NT5DC1: variants seen among roughly 807,000 people sequenced by gnomAD.
NT5DC1 encodes the protein 5'-nucleotidase domain containing 1, also known as 5'-nucleotidase domain-containing protein 1.
NT5DC1 carries 42 observed loss-of-function variants against 59.4 expected under a neutral mutation model. That is an observed-to-expected ratio of 0.71 (90% CI 0.55 to 0.92). The LOEUF (loss-of-function observed/expected upper bound fraction) is 0.92, where lower values mean the gene tolerates loss of function less well. Ranked by LOEUF, NT5DC1 falls within the 40% of genes least tolerant of loss-of-function variation. The pLI is 0.00. For missense variants in NT5DC1, 501 were observed against 537.1 expected, an observed-to-expected ratio of 0.93 and a Z score of 0.66; for synonymous variants, 172 against 188.1, an observed-to-expected ratio of 0.91 and a Z score of 0.70.
At chr6:116,210,901 G>A (rs1781563613) in intron 6 of NT5DC1, among the ~76,000 whole-genome samples, 1 of 151,936 alleles carries the variant, frequency 6.6e-6, no homozygotes, top group Admixed American at 6.6e-5. Flanking sequence ...TAGTATGTTT[G>A]GCAGCTAGTC....
chr6:116,142,703 A>G (rs1196474602), intron 6 of NT5DC1, among the ~76,000 whole-genome samples: 1 of 152,210 alleles, frequency 6.6e-6, no homozygotes, highest in Non-Finnish European at 1.5e-5. Context: ...AGTGAAATAT[A>G]TTAATAGTGT....
chr6:116,163,126 C>CAAA (rs71272373), intron 6 of NT5DC1, among the ~76,000 whole-genome samples: 37 of 84,308 alleles, frequency 4.4e-4, no homozygotes, highest in African/African-American at 6.3e-4. Context: ...GACTCCGTCT[C>CAAA]AAAAAAAAAA....
At chr6:116,125,416 T>C in intron 6 of NT5DC1, 1 of 1,613,912 alleles carries the variant, frequency 6.2e-7, no homozygotes, top group Non-Finnish European at 8.5e-7. Context: ...TGTGGGCATT[T>C]GGTATCGTTC....
chr6:116,204,407 T>TA (rs369813685), intron 6 of NT5DC1, among the ~76,000 whole-genome samples: 47 of 152,028 alleles, frequency 3.1e-4, no homozygotes, highest in African/African-American at 1.1e-3. Context: ...AAATGCAAGG[T>TA]AAAACAATGA....
intron 6 of NT5DC1, chr6:116,120,547 C>A: frequency 1.1e-5 from 17 of 1,613,574 alleles, no homozygotes; most frequent in Non-Finnish European, 1.4e-5. Context: ...TTATAAAACC[C>A]TCAGGCATGA....
At chr6:116,123,197 A>G (rs892243851) in intron 6 of NT5DC1, among the ~76,000 whole-genome samples, 1 of 152,198 alleles carries the variant, frequency 6.6e-6, no homozygotes, top group Non-Finnish European at 1.5e-5. Flanking sequence ...TTTTACTATT[A>G]AAAAGGAGAA....
chr6:116,131,997 A>T (rs1386817221), intron 6 of NT5DC1, among the ~76,000 whole-genome samples: 1 of 152,206 alleles, frequency 6.6e-6, no homozygotes, highest in Admixed American at 6.5e-5. Flanking sequence ...TCTGCAAAGG[A>T]CATTATCTTA....
intron 10 of NT5DC1, 26 bp downstream of exon 10, chr6:116,238,374 T>C (rs1349184909): frequency 6.7e-7 from 1 of 1,502,802 alleles, no homozygotes; most frequent in Non-Finnish European, 8.9e-7. Context: ...AGCTCTTTCC[T>C]TGAAAGACAA....
intron 6 of NT5DC1, among the ~76,000 whole-genome samples, chr6:116,163,158 A>ATATC: frequency 6.9e-6 from 1 of 144,184 alleles, no homozygotes; most frequent in East Asian, 2.0e-4. Flanking sequence ...ATATATATAT[A>ATATC]TATATTAGTA....
chr6:116,130,041 G>T (rs1237075380), intron 6 of NT5DC1, among the ~76,000 whole-genome samples: 1 of 152,084 alleles, frequency 6.6e-6, no homozygotes, highest in East Asian at 1.9e-4. Context: ...GGTGTTACTG[G>T]ACATTGGTAA....
intron 6 of NT5DC1, among the ~76,000 whole-genome samples, chr6:116,153,775 T>C (rs774701310): frequency 1.8e-4 from 28 of 152,168 alleles, no homozygotes; most frequent in Non-Finnish European, 3.7e-4. Flanking sequence ...TATGCAATGA[T>C]ATGAATAGTC....
At chr6:116,214,941 G>T (rs1781661174) in intron 6 of NT5DC1, among the ~76,000 whole-genome samples, 2 of 152,110 alleles carry the variant, frequency 1.3e-5, no homozygotes, top group African/African-American at 4.8e-5. Context: ...TGATTGGCCA[G>T]TGTGTATCTC....
chr6:116,190,541 G>T (rs1302523190), intron 6 of NT5DC1, among the ~76,000 whole-genome samples: 2 of 152,058 alleles, frequency 1.3e-5, no homozygotes, highest in Admixed American at 1.3e-4. Context: ...CACATTAGTT[G>T]CCCTTTTTTA....
At chr6:116,175,629 G>A (rs1458660813) in intron 6 of NT5DC1, among the ~76,000 whole-genome samples, 1 of 151,948 alleles carries the variant, frequency 6.6e-6, no homozygotes, top group East Asian at 1.9e-4. Flanking sequence ...TTTTCTCTTT[G>A]TGTTTCAGTT....
chr6:116,247,113 A>G lies in NT5DC1; in HGVS notation c.*3089A>G, dbSNP rs527538225. The G allele has an allele frequency of 6.6e-6, 1 of 152,292 alleles. No homozygotes were observed. The highest frequency in any genetic ancestry group is 2.1e-4 in the South Asian group (1 of 4,832). 9.4% of individuals were successfully genotyped at this position (152,292 alleles called of 1,614,324 possible). On this transcript the variant is annotated 3_prime_UTR_variant, in exon 12 of 12. Coordinates refer to ENST00000319550, the MANE Select transcript of NT5DC1 (RefSeq NM_152729.3). Reference sequence around the variant, plus strand: ...TTTGATCCTCAAAATCACACTTTTAATTACTTGATACATAATGTCTTCCAA... The same window carrying G: ...TTTGATCCTCAAAATCACACTTTTAGTTACTTGATACATAATGTCTTCCAA...
intron 6 of NT5DC1, chr6:116,125,196 G>C: frequency 2.4e-6 from 2 of 836,436 alleles, no homozygotes; most frequent in Non-Finnish European, 1.9e-6. Context: ...TTTTTTCACA[G>C]ATCACTTTGT....
rs541742482 is a variant in NT5DC1 at position 116,180,614 on chromosome 6, A to G, written c.530-40440A>G. Reference sequence around the variant, plus strand: ...TGATGCAATAAGAAATACATTCTCTATAAAACTGTCTTGCCAAAATATCAA... The same window carrying G: ...TGATGCAATAAGAAATACATTCTCTGTAAAACTGTCTTGCCAAAATATCAA... On this transcript the variant is annotated intron_variant, in intron 6 of 11. Coordinates refer to ENST00000319550, the MANE Select transcript of NT5DC1 (RefSeq NM_152729.3). 5.3e-5 allele frequency among the ~76,000 whole-genome samples: 8 copies of G among 152,224 alleles called. No homozygotes were observed. The South Asian group carries it at 1.2e-3, about 24-fold the overall frequency.
chr6:116,129,613 T>A (rs972289859), intron 6 of NT5DC1, among the ~76,000 whole-genome samples: 11 of 152,166 alleles, frequency 7.2e-5, no homozygotes, highest in Admixed American at 2.6e-4. Flanking sequence ...GAACGCTCTC[T>A]CCAGATACCG....
chr6:116,230,611 G>C, intron 8 of NT5DC1, among the ~76,000 whole-genome samples: 1 of 152,168 alleles, frequency 6.6e-6, no homozygotes. Flanking sequence ...ATCACACTTT[G>C]AGTGGCATAG....
Sources: gnomAD v4.1 joint callset for allele counts (sites outside exome capture counted in the v4.1 genomes callset) on GRCh38, gnomAD v4.1.1 for gene constraint, MANE v1.5 for transcripts, NCBI Gene and HGNC (gene_info 2026-07-23, HGNC 2026-07-21) for gene names.